The following ZFP41 variants were observed in gnomAD, a reference collection of about 807,000 sequenced individuals.
ZFP41 encodes zinc finger protein 41 homolog.
Under a neutral mutation model 11.6 loss-of-function variants are expected in ZFP41, and 10 were observed. That is an observed-to-expected ratio of 0.86 (90% CI 0.53 to 1.47). ZFP41 has a LOEUF of 1.47. Ranked by LOEUF, ZFP41 falls within the 40% of genes most tolerant of loss-of-function variation. ZFP41 has a pLI of 0.00. For synonymous variants in ZFP41, 123 were observed against 100.9 expected (o/e 1.22, Z -1.31); for missense variants, 302 against 264.6 (o/e 1.14, Z -0.98).
Position 143,249,781 on chromosome 8 carries a change from G to C in ZFP41, c.-63G>C. The C allele has an allele frequency of 6.6e-7, 1 of 1,513,892 alleles. No individual in the cohort carries two copies. Among genetic ancestry groups the C allele is most frequent in the Non-Finnish European group, 8.8e-7 (1 of 1,136,048 alleles). 93.8% of individuals were successfully genotyped at this position (1,513,892 alleles called of 1,614,324 possible). A position where few individuals can be genotyped will look rare whatever the true frequency, so the allele number is the denominator to read the frequency against. ...AGGTGCGTGGGAAGCAAGCCATTGA[G>C]GAAGTGGGGCCAACAGAGAGGTCAG... On this transcript the variant is annotated 5_prime_UTR_variant, in exon 2 of 3. Coordinates refer to ENST00000330701, the MANE Select transcript of ZFP41 (RefSeq NM_173832.6).
At chr8:143,249,057 A>C (rs1360621875) in intron 1 of ZFP41, 1 of 152,234 alleles carries the variant, frequency 6.6e-6, no homozygotes, top group Non-Finnish European at 1.5e-5. Flanking sequence ...CCTAGGGTCA[A>C]CCCTGGCCTC....
Position 143,251,285 on chromosome 8 carries a change from T to G in ZFP41, c.*845T>G, listed in dbSNP as rs1196050126. The G allele has an allele frequency of 6.0e-6, 1 of 167,262 alleles. No homozygotes were observed. The highest frequency in any genetic ancestry group is 1.5e-5 in the Non-Finnish European group (1 of 68,356). The allele number at this position is 167,262 out of a possible 1,614,324, so 10.4% of individuals were successfully genotyped here. A position where few individuals can be genotyped will look rare whatever the true frequency, so the allele number is the denominator to read the frequency against. On this transcript the variant is annotated 3_prime_UTR_variant, in exon 2 of 3. Transcript: ENST00000330701. The stretch of plus-strand genomic sequence containing the variant: ...CTTCGGTCCAGCCTGCATCTGCCCC[T>G]CGGCCTTCCGACGTGGGCGGTGGGC...
chr8:143,253,094 A>G (rs897043359), intron 2 of ZFP41: 39 of 152,168 alleles, frequency 2.6e-4, no homozygotes, highest in African/African-American at 9.4e-4. Context: ...GTTGCTTTGA[A>G]GGACTTTGCT....
At position 143,250,544 on chromosome 8, in the gene ZFP41, G is replaced by T. The variant is rs1178632880; in HGVS notation, c.*104G>T. ...GTCTGATGGGGGCGCAGGGCCGTGC[G>T]CACTGTGTTCCGTGCCCTGGGGACC... On this transcript the variant is annotated 3_prime_UTR_variant, in exon 2 of 3. Transcript: ENST00000330701. 6 of 1,516,432 alleles carry T rather than the reference G, an allele frequency of 4.0e-6. No homozygotes were observed. The East Asian group carries it at 6.9e-5, about 17-fold the overall frequency. 93.9% of individuals were successfully genotyped at this position (1,516,432 alleles called of 1,614,324 possible).
chr8:143,253,135 C>CCAGGCACAGTCAACTG (rs58935399), intron 2 of ZFP41: 3 of 116,416 alleles, frequency 2.6e-5, no homozygotes, highest in Non-Finnish European at 4.1e-5. Context: ...ATTGTAGACT[C>CCAGGCACAGTCAACTG]CAGGCACAGT....
intron 2 of ZFP41, chr8:143,253,630 T>G (rs572908423): frequency 4.2e-4 from 64 of 152,328 alleles, no homozygotes; most frequent in Non-Finnish European, 7.8e-4. Flanking sequence ...CTGTCCTAGG[T>G]GAAGGGTGCA....
At chr8:143,255,842 G>A (rs1237043928) in intron 2 of ZFP41, among the ~76,000 whole-genome samples, 1 of 112,524 alleles carries the variant, frequency 8.9e-6, no homozygotes, top group Non-Finnish European at 1.8e-5. Flanking sequence ...CCCGCGTGCT[G>A]GTGTTCTTGA....
intron 2 of ZFP41, among the ~76,000 whole-genome samples, chr8:143,259,167 G>T (rs893274587): frequency 6.6e-6 from 1 of 152,224 alleles, no homozygotes. Context: ...CAGTGGCCAC[G>T]CAGCTAGCCA....
intron 2 of ZFP41, among the ~76,000 whole-genome samples, chr8:143,254,269 C>T (rs529467654): frequency 1.4e-4 from 21 of 152,384 alleles, no homozygotes; most frequent in African/African-American, 4.1e-4. Flanking sequence ...CAAAAACTTA[C>T]CCAGCCTCGG....
At position 143,250,808 on chromosome 8, in the gene ZFP41, G is replaced by A. The variant is rs1340837132; in HGVS notation, c.*368G>A. On this transcript the variant is annotated 3_prime_UTR_variant, in exon 2 of 3. Transcript: ENST00000330701. ...TCACCTCAGAGCACCCAGCAGGAGA[G>A]GCTCCTGGTGTAGTGGGCAGCCCAG... The A allele has an allele frequency of 7.1e-6, 2 of 281,424 alleles. No individual in the cohort carries two copies. Among genetic ancestry groups the A allele is most frequent in the Non-Finnish European group, 1.5e-5 (2 of 137,860 alleles). 17.4% of individuals were successfully genotyped at this position (281,424 alleles called of 1,614,324 possible).
intron 2 of ZFP41, among the ~76,000 whole-genome samples, chr8:143,257,360 G>T (rs1024844967): frequency 9.8e-5 from 15 of 152,340 alleles, no homozygotes; most frequent in African/African-American, 3.1e-4. Context: ...AGCTGGGTGT[G>T]GTGGCGCATG....
intron 2 of ZFP41, among the ~76,000 whole-genome samples, chr8:143,258,457 G>A (rs570237299): frequency 1.5e-4 from 23 of 152,274 alleles, no homozygotes; most frequent in African/African-American, 5.3e-4. Context: ...AGTCACCCTC[G>A]GGAGAGCCTC....
intron 1 of ZFP41, 191 bp from the exon 2 acceptor site, chr8:143,249,499 G>C (rs1275295037): frequency 1.9e-5 from 4 of 208,504 alleles, no homozygotes; most frequent in Non-Finnish European, 2.9e-5. Context: ...AGGATTCCTT[G>C]GTGAGCAACT....
rs572024070 is a variant in ZFP41 at position 143,255,770 on chromosome 8, T to C, written c.*901-4005T>C. 7.6e-5 allele frequency among the ~76,000 whole-genome samples: 8 copies of C among 105,614 alleles called. 1 individual carries two copies. The highest frequency in any genetic ancestry group is 3.1e-4 in the African/African-American group (8 of 25,906). The allele number at this position is 105,614 out of a possible 152,430, so 69.3% of individuals were successfully genotyped here. Reference sequence around the variant, plus strand: ...TAGTGAGATCAGGGCTCTCCCCGCGTGCTAGAGTTAGTGAGATCAGGGCTC... The same window carrying C: ...TAGTGAGATCAGGGCTCTCCCCGCGCGCTAGAGTTAGTGAGATCAGGGCTC... On this transcript the variant is annotated intron_variant, in intron 2 of 2. Transcript: ENST00000330701.
intron 2 of ZFP41, among the ~76,000 whole-genome samples, chr8:143,254,503 G>C (rs1277180323): frequency 1.3e-5 from 2 of 152,200 alleles, no homozygotes; most frequent in African/African-American, 4.8e-5. Flanking sequence ...TGGCAAGTGT[G>C]GACACGGCTG....
chr8:143,258,890 G>A (rs946179849), intron 2 of ZFP41, among the ~76,000 whole-genome samples: 2 of 152,182 alleles, frequency 1.3e-5, no homozygotes, highest in Admixed American at 6.5e-5. Flanking sequence ...TGCATGGGAC[G>A]GGCGGGGGTC....
chr8:143,259,566 G>A (rs991263926), intron 2 of ZFP41, among the ~76,000 whole-genome samples: 1 of 152,182 alleles, frequency 6.6e-6, no homozygotes, highest in African/African-American at 2.4e-5. Context: ...GCCCTGGGGT[G>A]CACGGGTTAA....
rs1376450519 is a variant in ZFP41 at position 143,260,312 on chromosome 8, C to T, written c.*1438C>T. 6.5e-6 allele frequency: 1 copy of T among 153,270 alleles called. No individual in the cohort carries two copies. The highest frequency in any genetic ancestry group is 6.5e-5 in the Admixed American group (1 of 15,286). The allele number at this position is 153,270 out of a possible 1,614,324, so 9.5% of individuals were successfully genotyped here. On this transcript the variant is annotated 3_prime_UTR_variant, in exon 3 of 3. Transcript: ENST00000330701. The stretch of plus-strand genomic sequence containing the variant: ...AGGTCAAAACCATCACAGTGGGCAA[C>T]TTTACACCCCAGTGTTCACTGTCCT...
Position 143,250,164 on chromosome 8 carries a change from G to T in ZFP41, c.321G>T (p.Arg107Ser). 1 of 1,614,142 alleles carries T rather than the reference G, an allele frequency of 6.2e-7. No individual in the cohort carries two copies. The highest frequency in any genetic ancestry group is 8.5e-7 in the Non-Finnish European group (1 of 1,180,042). The part of the protein sequence containing the change: ...KHKTDHIRHQ[R>S]VHTGEKPFKC... Reference sequence around the variant, plus strand: ...AGACAGACCACATTCGCCATCAGAGGGTCCACACTGGAGAGAAGCCCTTCA... The same window carrying T: ...AGACAGACCACATTCGCCATCAGAGTGTCCACACTGGAGAGAAGCCCTTCA... Residue 107 changes from arginine (R) to serine (S), a missense_variant, in exon 2 of 3, where the codon AGG becomes AGT. Arg to Ser is a moderately radical substitution (Grantham distance 110). Coordinates refer to ENST00000330701, the MANE Select transcript of ZFP41 (RefSeq NM_173832.6).
Sources: gnomAD v4.1 joint callset for allele counts (sites outside exome capture counted in the v4.1 genomes callset) on GRCh38, gnomAD v4.1.1 for gene constraint, MANE v1.5 for transcripts, NCBI Gene and HGNC (gene_info 2026-07-23, HGNC 2026-07-21) for gene names.